Variants in POLR1D observed in about 807,000 individuals in gnomAD.
POLR1D encodes RNA polymerase I and III subunit D.
Under a neutral mutation model 10.8 loss-of-function variants are expected in POLR1D, and 8 were observed. That is an observed-to-expected ratio of 0.74 (90% CI 0.43 to 1.33). The LOEUF (loss-of-function observed/expected upper bound fraction) is 1.33, where lower values mean the gene tolerates loss of function less well. POLR1D is among the 40% of genes most tolerant of loss of function. POLR1D has a pLI of 0.01. For missense variants in POLR1D, 152 were observed against 161.7 expected, an observed-to-expected ratio of 0.94 and a Z score of 0.32; for synonymous variants, 54 against 57.2, an observed-to-expected ratio of 0.94 and a Z score of 0.25.
chr13:27,634,587 A>G (rs1490562880), intron 1 of POLR1D, among the ~76,000 whole-genome samples: 1 of 152,028 alleles, frequency 6.6e-6, no homozygotes, highest in Non-Finnish European at 1.5e-5. Flanking sequence ...AAGGCAACTG[A>G]GACCTGGGGA....
At chr13:27,666,279 T>G in exon 3 of POLR1D, 3 of 260,198 alleles carry the variant, frequency 1.2e-5, no homozygotes, top group East Asian at 7.1e-5. Context: ...TAAAACTGGT[T>G]CCAATTTTTT....
Position 27,623,205 on chromosome 13 carries a change from G to A in POLR1D, c.357G>A (p.Lys119=). Residue 119 remains lysine (K), a synonymous_variant, in exon 2 of 2, where the codon AAG becomes AAA. Coordinates refer to ENST00000302979, the MANE Select transcript of POLR1D (RefSeq NM_015972.4). ...HVLDKFEASI[K]DYKDQKASRN... is the part of the protein sequence containing the mutation. ...TTGACAAGTTTGAGGCCAGCATAAA[G>A]GACTATAAGGATCAAAAAGCAAGCA... The A allele has an allele frequency of 1.2e-6, 2 of 1,614,104 alleles. No homozygotes were observed. The highest frequency in any genetic ancestry group is 1.7e-6 in the Non-Finnish European group (2 of 1,180,028).
At chr13:27,664,722 G>A (rs1225936547) in intron 2 of POLR1D, 2 of 152,162 alleles carry the variant, frequency 1.3e-5, no homozygotes, top group African/African-American at 4.8e-5. Flanking sequence ...AGTGTTGTTG[G>A]CTTGATTTTG....
intron 1 of POLR1D, among the ~76,000 whole-genome samples, chr13:27,637,280 G>GCTTC (rs1396063048): frequency 6.6e-6 from 1 of 152,156 alleles, no homozygotes; most frequent in Non-Finnish European, 1.5e-5. Context: ...TCCATGAGCT[G>GCTTC]CTTCCTTCCT....
intron 1 of POLR1D, among the ~76,000 whole-genome samples, chr13:27,632,363 C>T (rs534468772): frequency 6.6e-5 from 10 of 152,142 alleles, no homozygotes; most frequent in Middle Eastern, 3.4e-3. Flanking sequence ...TTTTCAATGC[C>T]GAATAGTACA....
chr13:27,654,493 C>G (rs988479252), intron 2 of POLR1D, among the ~76,000 whole-genome samples: 1 of 152,160 alleles, frequency 6.6e-6, no homozygotes, highest in Non-Finnish European at 1.5e-5. Flanking sequence ...TTCTAATTTT[C>G]TTTCATCTGG....
intron 1 of POLR1D, among the ~76,000 whole-genome samples, chr13:27,639,329 T>G (rs911715129): frequency 2.6e-5 from 4 of 152,204 alleles, no homozygotes; most frequent in Non-Finnish European, 5.9e-5. Flanking sequence ...GACTGTAATA[T>G]TTTTAAACCT....
downstream of POLR1D, among the ~76,000 whole-genome samples, chr13:27,627,531 T>C (rs185010736): frequency 3.8e-3 from 579 of 152,256 alleles, 8 homozygotes; most frequent in African/African-American, 0.013. Context: ...GAGTATTATG[T>C]GATGAATTCA....
At chr13:27,622,189 C>T (rs900421807) in intron 1 of POLR1D, 180 bp downstream of exon 1, 1 of 638,838 alleles carries the variant, frequency 1.6e-6, no homozygotes, top group South Asian at 1.8e-5. Flanking sequence ...GGTACACTAG[C>T]TATCAAGGAG....
intron 2 of POLR1D, among the ~76,000 whole-genome samples, chr13:27,659,556 C>T (rs1479353181): frequency 2.0e-5 from 3 of 152,182 alleles, no homozygotes; most frequent in Admixed American, 2.0e-4. Context: ...GGCATCACTT[C>T]TCTCTGTGGA....
chr13:27,635,260 T>TTTAAATATG (rs772635898), intron 1 of POLR1D, among the ~76,000 whole-genome samples: 1 of 152,236 alleles, frequency 6.6e-6, no homozygotes, highest in Non-Finnish European at 1.5e-5. Flanking sequence ...TAGTATTATC[T>TTTAAATATG]TTAAATATGT....
At chr13:27,636,199 A>T (rs73434755) in intron 1 of POLR1D, among the ~76,000 whole-genome samples, 2,672 of 152,214 alleles carry the variant, frequency 0.018, 86 homozygotes, top group African/African-American at 0.061. Flanking sequence ...TTATAATTAT[A>T]ATCTGTCTCC....
chr13:27,651,887 T>A (rs528890455), intron 2 of POLR1D, among the ~76,000 whole-genome samples: 19 of 152,348 alleles, frequency 1.2e-4, no homozygotes, highest in African/African-American at 4.6e-4. Flanking sequence ...AGATAATGTG[T>A]ATGAAAACAC....
chr13:27,643,425 A>G (rs1956193071), intron 1 of POLR1D, among the ~76,000 whole-genome samples: 1 of 152,192 alleles, frequency 6.6e-6, no homozygotes, highest in Non-Finnish European at 1.5e-5. Flanking sequence ...TACTGAAATT[A>G]AATAAGGATA....
chr13:27,624,506 A>G (rs1367059417), downstream of POLR1D, among the ~76,000 whole-genome samples: 1 of 152,148 alleles, frequency 6.6e-6, no homozygotes, highest in Non-Finnish European at 1.5e-5. Context: ...CATATTTTTG[A>G]GCACTAGTAT....
downstream of POLR1D, among the ~76,000 whole-genome samples, chr13:27,624,509 A>G (rs1287949858): frequency 6.6e-6 from 1 of 152,178 alleles, no homozygotes; most frequent in Non-Finnish European, 1.5e-5. Flanking sequence ...ATTTTTGAGC[A>G]CTAGTATGTT....
At chr13:27,640,998 A>G (rs1956168105) in intron 1 of POLR1D, among the ~76,000 whole-genome samples, 1 of 152,186 alleles carries the variant, frequency 6.6e-6, no homozygotes, top group Non-Finnish European at 1.5e-5. Context: ...ATTCTAAGTA[A>G]ATAGCTCTTA....
chr13:27,654,422 A>G lies in POLR1D; in HGVS notation c.101+5969A>G, dbSNP rs145759721. 1.8e-3 allele frequency among the ~76,000 whole-genome samples: 271 copies of G among 152,310 alleles called. 1 individual carries two copies. The highest frequency in any genetic ancestry group is 6.3e-3 in the African/African-American group (260 of 41,574). ...ATCACATTTGTAAATATCATCACCAATCTCATCAGATCAGTCTTTTAAGTG... is the reference window on the plus strand; with the variant it reads ...ATCACATTTGTAAATATCATCACCAGTCTCATCAGATCAGTCTTTTAAGTG... On this transcript the variant is annotated intron_variant, in intron 2 of 2. Transcript: ENST00000399697.
At chr13:27,621,889 G>A (rs964445193), upstream of POLR1D, 14 of 1,341,158 alleles carry the variant, frequency 1.0e-5, no homozygotes, top group Middle Eastern at 1.8e-4. Flanking sequence ...TCCGTCGGTC[G>A]GTCCTTGCTT....
Sources: gnomAD v4.1 joint callset for allele counts (sites outside exome capture counted in the v4.1 genomes callset) on GRCh38, gnomAD v4.1.1 for gene constraint, MANE v1.5 for transcripts, NCBI Gene and HGNC (gene_info 2026-07-23, HGNC 2026-07-21) for gene names.